SORBS2: variants seen among roughly 807,000 people sequenced by gnomAD.
The protein encoded by SORBS2 is sorbin and SH3 domain containing 2, also known as sorbin and SH3 domain-containing protein 2.
SORBS2 carries 46 observed loss-of-function variants against 97.7 expected under a neutral mutation model. The observed-to-expected ratio is 0.47, with a 90% confidence interval of 0.37 to 0.60. SORBS2 has a LOEUF of 0.60. SORBS2 is among the 20% of genes least tolerant of loss of function. SORBS2 has a pLI of 0.00. For missense variants in SORBS2, 1,316 were observed against 1,282.3 expected, an observed-to-expected ratio of 1.03 and a Z score of -0.40; for synonymous variants, 476 against 473.4, an observed-to-expected ratio of 1.01 and a Z score of -0.07.
intron 1 of SORBS2, among the ~76,000 whole-genome samples, chr4:185,949,974 C>T (rs945844899): frequency 2.6e-5 from 4 of 152,128 alleles, no homozygotes; most frequent in Non-Finnish European, 5.9e-5. Flanking sequence ...TATTTTGAGG[C>T]CAGACACAGT....
intron 1 of SORBS2, among the ~76,000 whole-genome samples, chr4:185,856,266 G>A (rs932373859): frequency 6.6e-6 from 1 of 152,102 alleles, no homozygotes; most frequent in Non-Finnish European, 1.5e-5. Flanking sequence ...TTCCCACACA[G>A]CTCTATGTGA....
chr4:185,641,203 T>C (rs1460588049), intron 4 of SORBS2, among the ~76,000 whole-genome samples: 1 of 152,136 alleles, frequency 6.6e-6, no homozygotes, highest in African/African-American at 2.4e-5. Context: ...CAGTTTTCCA[T>C]GAATTATGCT....
At chr4:185,944,222 G>A (rs753275066) in intron 1 of SORBS2, among the ~76,000 whole-genome samples, 56 of 152,192 alleles carry the variant, frequency 3.7e-4, no homozygotes, top group Non-Finnish European at 1.3e-4. Context: ...CAAATTCTAA[G>A]TAAGTGACTG....
At chr4:185,906,863 C>T (rs768171515) in intron 1 of SORBS2, among the ~76,000 whole-genome samples, 8 of 152,178 alleles carry the variant, frequency 5.3e-5, no homozygotes, top group South Asian at 2.1e-4. Flanking sequence ...CAGTGCCTCA[C>T]GCCTGTAATC....
At chr4:185,792,541 AG>A (rs2099085237) in intron 1 of SORBS2, among the ~76,000 whole-genome samples, 1 of 151,516 alleles carries the variant, frequency 6.6e-6, no homozygotes, top group South Asian at 2.1e-4. Flanking sequence ...GAGGGAGGGA[AG>A]GAAGGAAGGA....
rs1371334446 is a variant in SORBS2, at chr4:185,639,132, C to T, written c.396+7536G>A. 8.5e-6 allele frequency: 10 copies of T among 1,175,264 alleles called. No homozygotes were observed. In the South Asian group the frequency reaches 1.5e-4, roughly 18 times the overall value. The allele number at this position is 1,175,264 out of a possible 1,614,324, so 72.8% of individuals were successfully genotyped here. A position where few individuals can be genotyped will look rare whatever the true frequency, so the allele number is the denominator to read the frequency against. On this transcript the variant is annotated intron_variant, in intron 4 of 14. Transcript: ENST00000418609. ...GCAGCGCGCTGTGCCTGCGTTAGGC[C>T]GGGAGGGGAGAGGCCTCCGGACGGC...
At chr4:185,919,042 G>C (rs1370513380) in intron 1 of SORBS2, among the ~76,000 whole-genome samples, 1 of 152,178 alleles carries the variant, frequency 6.6e-6, no homozygotes, top group African/African-American at 2.4e-5. Flanking sequence ...CCAGGCATCA[G>C]TGTAGTATTT....
intron 1 of SORBS2, among the ~76,000 whole-genome samples, chr4:185,943,980 G>A (rs2150007476): frequency 6.6e-6 from 1 of 152,270 alleles, no homozygotes; most frequent in South Asian, 2.1e-4. Context: ...CAATCATTCT[G>A]TTTGTTTAAA....
chr4:185,665,766 A>G, intron 4 of SORBS2: 4 of 1,050,252 alleles, frequency 3.8e-6, no homozygotes, highest in East Asian at 7.8e-5. Flanking sequence ...AGGTGGTGCC[A>G]TCTGTCACAG....
intron 3 of SORBS2, among the ~76,000 whole-genome samples, chr4:185,647,655 T>C (rs558835355): frequency 6.6e-6 from 1 of 152,254 alleles, no homozygotes; most frequent in East Asian, 1.9e-4. Flanking sequence ...AGAAATACTC[T>C]AAGAGACAGA....
At chr4:185,784,924 CTAAATA>C (rs2099049095) in intron 1 of SORBS2, among the ~76,000 whole-genome samples, 1 of 152,112 alleles carries the variant, frequency 6.6e-6, no homozygotes, top group East Asian at 1.9e-4. Context: ...ATTTTTGACT[CTAAATA>C]TAGTGAAGTA....
intron 1 of SORBS2, among the ~76,000 whole-genome samples, chr4:185,858,555 C>T (rs2099221956): frequency 6.6e-6 from 1 of 152,190 alleles, no homozygotes; most frequent in African/African-American, 2.4e-5. Context: ...CCATTTGCCA[C>T]ATTTCCTTTC....
At chr4:185,822,913 C>T (rs1416050928) in intron 1 of SORBS2, among the ~76,000 whole-genome samples, 1 of 152,112 alleles carries the variant, frequency 6.6e-6, no homozygotes, top group African/African-American at 2.4e-5. Context: ...AACTCGAGAC[C>T]CCAATTCACG....
intron 2 of SORBS2, among the ~76,000 whole-genome samples, chr4:185,725,947 C>A (rs2098552013): frequency 6.6e-6 from 1 of 151,940 alleles, no homozygotes; most frequent in Non-Finnish European, 1.5e-5. Flanking sequence ...GTTTTTTAGT[C>A]AAACTGAACT....
intron 4 of SORBS2, among the ~76,000 whole-genome samples, chr4:185,644,366 G>A (rs140579203): frequency 6.6e-6 from 1 of 152,154 alleles, no homozygotes; most frequent in African/African-American, 2.4e-5. Context: ...TAACTACTTA[G>A]GGCCTAAGTT....
At chr4:185,858,796 T>C (rs2099222096) in intron 1 of SORBS2, among the ~76,000 whole-genome samples, 1 of 152,238 alleles carries the variant, frequency 6.6e-6, no homozygotes, top group Admixed American at 6.5e-5. Flanking sequence ...ATCTAAAAGG[T>C]ATGGAAAAAA....
Position 185,615,033 on chromosome 4 carries a change from G to T in SORBS2, c.2466+12C>A, listed in dbSNP as rs754186040. ...ACCACCGCCATCCAAGAGAGAAAGG[G>T]AGAGGACCTACCTCTACGTATGAGA... On this transcript the variant is annotated intron_variant, in intron 10 of 14. Coordinates refer to ENST00000418609, the Ensembl canonical transcript of SORBS2. 3.1e-6 allele frequency: 5 copies of T among 1,612,400 alleles called. No homozygotes were observed. Among genetic ancestry groups the T allele is most frequent in the Non-Finnish European group, 4.2e-6 (5 of 1,178,408 alleles).
At chr4:185,944,164 G>A (rs1365684149) in intron 1 of SORBS2, among the ~76,000 whole-genome samples, 2 of 152,082 alleles carry the variant, frequency 1.3e-5, no homozygotes, top group South Asian at 2.1e-4. Context: ...GCCCTCATAC[G>A]GAAAGCCAAA....
chr4:185,619,567 G>A (rs911342278), intron 8 of SORBS2, among the ~76,000 whole-genome samples: 8 of 152,188 alleles, frequency 5.3e-5, no homozygotes, highest in African/African-American at 1.4e-4. Flanking sequence ...CAGTTGGTGG[G>A]TGGTTCCCAG....
Sources: allele counts gnomAD v4.1 joint callset (sites outside exome capture counted in the v4.1 genomes callset), GRCh38; gene constraint gnomAD v4.1.1; transcripts MANE v1.5; gene names NCBI Gene and HGNC (gene_info 2026-07-23, HGNC 2026-07-21).